TNIP3: variants seen among roughly 807,000 people sequenced by gnomAD.
TNIP3 encodes the protein TNFAIP3 interacting protein 3, also known as TNFAIP3-interacting protein 3.
A neutral mutation model predicts 54.1 loss-of-function variants in TNIP3; 34 were observed. That is an observed-to-expected ratio of 0.63 (90% CI 0.48 to 0.84). TNIP3 has a LOEUF of 0.84. Among genes scored for constraint, TNIP3 ranks in the 40% least tolerant of loss-of-function variants. The probability of loss-of-function intolerance (pLI) is 0.00; values close to 1 mark genes in which losing one functional copy is unlikely to be tolerated. For missense variants in TNIP3, 366 were observed against 387.6 expected, an observed-to-expected ratio of 0.94 and a Z score of 0.47; for synonymous variants, 134 against 136.8, an observed-to-expected ratio of 0.98 and a Z score of 0.14.
chr4:121,151,025 C>T (rs1729718192), intron 5 of TNIP3, among the ~76,000 whole-genome samples: 3 of 152,180 alleles, frequency 2.0e-5, no homozygotes, highest in Non-Finnish European at 4.4e-5. Context: ...TCATGATGGG[C>T]ATATCATTAC....
intron 1 of TNIP3, among the ~76,000 whole-genome samples, chr4:121,224,053 T>C (rs1727154825): frequency 6.6e-6 from 1 of 152,234 alleles, no homozygotes; most frequent in Admixed American, 6.5e-5. Flanking sequence ...TAATAATGAA[T>C]GATCTCAGCT....
At position 121,157,111 on chromosome 4, in the gene TNIP3, G is replaced by T. The variant is rs780015587; in HGVS notation, c.346C>A (p.Arg116=). 2 of 1,613,832 alleles carry T rather than the reference G, an allele frequency of 1.2e-6. No homozygotes were observed. The highest frequency in any genetic ancestry group is 1.3e-5 in the African/African-American group (1 of 74,886). ...CCGCCCACCTCCTCCCGCTGCAGCC[G>T]GTCCCGGGTCAGGTCGCGCTGCCTG... ...DDRQRDLTRD[R]LQREEKEKER... The change falls in exon 4 of 11, where the codon CGG becomes AGG. Residue 116 remains arginine, a synonymous_variant. Transcript: ENST00000057513.
In TNIP3 at chr4:121,147,079, G is replaced by A. The variant is rs1409094578; in HGVS notation, c.705C>T (p.Ser235=). The change falls in exon 7 of 11, where the codon TCC becomes TCT. Residue 235 remains serine (S), a synonymous_variant. Coordinates refer to ENST00000057513, the MANE Select transcript of TNIP3 (RefSeq NM_024873.6). ...KEELQQINET[S]QSQLNRLNSQ... ...AATTCAGCCTGTTCAACTGGGATTG[G>A]GAAGTTTCATTAATTTGCTGTAGCT... is the stretch of plus-strand genomic sequence containing the variant. 2.5e-6 allele frequency: 4 copies of A among 1,612,738 alleles called. No individual in the cohort carries two copies. The highest frequency in any genetic ancestry group is 3.4e-6 in the Non-Finnish European group (4 of 1,179,340).
At position 121,164,214 on chromosome 4, in the gene TNIP3, A is replaced by G; in HGVS notation, c.-89T>C. 1 of 1,588,138 alleles carries G rather than the reference A, an allele frequency of 6.3e-7. No individual in the cohort carries two copies. Among genetic ancestry groups the G allele is most frequent in the Non-Finnish European group, 8.5e-7 (1 of 1,170,006 alleles). ...TATATTTTAGGGTGAGAGCAAGTAT[A>G]CAAAATTTAAAAAACACACATCACC... On this transcript the variant is annotated 5_prime_UTR_variant, in exon 1 of 11. Transcript: ENST00000057513.
upstream of TNIP3, among the ~76,000 whole-genome samples, chr4:121,165,070 C>T (rs1448234126): frequency 6.6e-6 from 1 of 151,396 alleles, no homozygotes; most frequent in East Asian, 1.9e-4. Context: ...AGGAAAGAGG[C>T]AAGGAATACA....
At chr4:121,211,854 A>G (rs1390370342) in intron 2 of TNIP3, among the ~76,000 whole-genome samples, 1 of 152,198 alleles carries the variant, frequency 6.6e-6, no homozygotes, top group Non-Finnish European at 1.5e-5. Flanking sequence ...AGCTGGCTGC[A>G]GGTTGTCTGT....
intron 7 of TNIP3, 64 bp from the exon 8 acceptor site, chr4:121,142,840 T>C: frequency 7.1e-7 from 1 of 1,416,332 alleles, no homozygotes; most frequent in African/African-American, 1.4e-5. Flanking sequence ...CCCAAGCCAC[T>C]CTTGACCTAC....
rs148073810 is a variant in TNIP3 at position 121,141,679 on chromosome 4, C to A, written c.885+137G>T. 1.2e-3 allele frequency: 602 copies of A among 493,900 alleles called. 13 individuals are homozygous for A. In the Admixed American group the frequency reaches 0.015, roughly 13 times the overall value. 30.6% of individuals were successfully genotyped at this position (493,900 alleles called of 1,614,324 possible). On this transcript the variant is annotated intron_variant, in intron 9 of 10. Coordinates refer to ENST00000057513, the MANE Select transcript of TNIP3 (RefSeq NM_024873.6). Reference sequence around the variant, plus strand: ...ATAATTCTAGTGTACATTGACCACTCCAACTTTGCAAGTTAGAGGCTGAGA... The same window carrying A: ...ATAATTCTAGTGTACATTGACCACTACAACTTTGCAAGTTAGAGGCTGAGA...
intron 2 of TNIP3, among the ~76,000 whole-genome samples, chr4:121,188,786 A>G (rs1725152073): frequency 6.6e-6 from 1 of 152,138 alleles, no homozygotes; most frequent in African/African-American, 2.4e-5. Flanking sequence ...GTTTCAGGAT[A>G]CCTCATTAAT....
rs138779637 is a variant in TNIP3, at chr4:121,146,635, A to G, written c.735+414T>C. Reference sequence around the variant, plus strand: ...CTGAACAAAATCCTCAGTCTCACATATAAATGGCATTTAGAAATACGTATG... The same window carrying G: ...CTGAACAAAATCCTCAGTCTCACATGTAAATGGCATTTAGAAATACGTATG... On this transcript the variant is annotated intron_variant, in intron 7 of 10. Transcript: ENST00000057513. 4.9e-3 allele frequency among the ~76,000 whole-genome samples: 749 copies of G among 152,326 alleles called. 4 individuals carry two copies. Among genetic ancestry groups the G allele is most frequent in the Non-Finnish European group, 8.0e-3 (541 of 68,022 alleles).
At chr4:121,161,330 A>T in intron 1 of TNIP3, 114 bp from the exon 2 acceptor site, 1 of 815,224 alleles carries the variant, frequency 1.2e-6, no homozygotes, top group Non-Finnish European at 1.9e-6. Context: ...CGATTTAAAA[A>T]ATACCTGATT....
intron 3 of TNIP3, among the ~76,000 whole-genome samples, chr4:121,171,890 C>T (rs1408446636): frequency 6.6e-6 from 1 of 152,112 alleles, no homozygotes; most frequent in African/African-American, 2.4e-5. Flanking sequence ...ACCACCACGC[C>T]TGGCTAATTT....
chr4:121,157,370 T>G (rs1730181824), intron 3 of TNIP3, 127 bp from the exon 4 acceptor site: 1 of 1,174,316 alleles, frequency 8.5e-7, no homozygotes, highest in Non-Finnish European at 1.2e-6. Flanking sequence ...GGAGAGGTTC[T>G]AGCTCCCACC....
chr4:121,160,693 C>T (rs1354251912), intron 2 of TNIP3, among the ~76,000 whole-genome samples: 1 of 152,056 alleles, frequency 6.6e-6, no homozygotes, highest in Non-Finnish European at 1.5e-5. Flanking sequence ...TGTTTGGATG[C>T]CCAGTTCATG....
At chr4:121,179,314 T>G (rs1039092026) in intron 3 of TNIP3, among the ~76,000 whole-genome samples, 4 of 152,236 alleles carry the variant, frequency 2.6e-5, no homozygotes, top group African/African-American at 9.6e-5. Context: ...AAAATTTCTA[T>G]GAGCCTTAAT....
At chr4:121,144,966 G>C (rs1256130270) in intron 7 of TNIP3, among the ~76,000 whole-genome samples, 1 of 152,126 alleles carries the variant, frequency 6.6e-6, no homozygotes, top group Non-Finnish European at 1.5e-5. Context: ...GGAACACCAA[G>C]TCTTTTCCCC....
intron 9 of TNIP3, 122 bp downstream of exon 9, chr4:121,141,694 A>C: frequency 1.7e-6 from 1 of 585,050 alleles, no homozygotes; most frequent in Non-Finnish European, 2.7e-6. Context: ...TTTGCAAGTT[A>C]GAGGCTGAGA....
chr4:121,198,950 T>C (rs1459864842), intron 2 of TNIP3, among the ~76,000 whole-genome samples: 1 of 152,178 alleles, frequency 6.6e-6, no homozygotes, highest in Non-Finnish European at 1.5e-5. Flanking sequence ...GCCTTTAACA[T>C]GTAAACCTTT....
At chr4:121,136,470 C>A (rs1158071298) in intron 10 of TNIP3, 1 of 152,102 alleles carries the variant, frequency 6.6e-6, no homozygotes, top group African/African-American at 2.4e-5. Context: ...TACTTAAATT[C>A]TCTAAGCCTC....
Sources: allele counts gnomAD v4.1 joint callset (sites outside exome capture counted in the v4.1 genomes callset), GRCh38; gene constraint gnomAD v4.1.1; transcripts MANE v1.5; gene names NCBI Gene and HGNC (gene_info 2026-07-23, HGNC 2026-07-21).